CDH23: variants seen among roughly 807,000 people sequenced by gnomAD.
The protein encoded by CDH23 is cadherin-23.
A neutral mutation model predicts 317.1 loss-of-function variants in CDH23; 189 were observed. That is an observed-to-expected ratio of 0.60 (90% CI 0.53 to 0.67). The LOEUF (loss-of-function observed/expected upper bound fraction) is 0.67. CDH23 is among the 30% of genes least tolerant of loss of function. The pLI is 0.00. For synonymous variants in CDH23, 1,839 were observed against 1,876.8 expected (o/e 0.98, Z 0.52); for missense variants, 4,401 against 4,592.4 (o/e 0.96, Z 1.20).
At chr10:71,733,767 C>G (rs929743590) in intron 32 of CDH23, among the ~76,000 whole-genome samples, 2 of 152,236 alleles carry the variant, frequency 1.3e-5, no homozygotes, top group South Asian at 4.1e-4. Flanking sequence ...CTTACTCCTT[C>G]GTCTTTGCTT....
Position 71,799,430 on chromosome 10 carries a change from G to C in CDH23, c.7225-62G>C. 1.9e-6 allele frequency: 3 copies of C among 1,611,652 alleles called. 1 individual carries two copies. In the South Asian group the frequency reaches 3.3e-5, roughly 18 times the overall value. ...GATGCCTGCATCAGTGAGTTCTAGG[G>C]CTGTGCTCGGGCTCTGGGACTGACC... On this transcript the variant is annotated intron_variant, in intron 51 of 69. Coordinates refer to ENST00000224721, the MANE Select transcript of CDH23 (RefSeq NM_022124.6).
chr10:71,477,877 T>A (rs1041605006), intron 3 of CDH23, among the ~76,000 whole-genome samples: 3 of 152,160 alleles, frequency 2.0e-5, no homozygotes, highest in Non-Finnish European at 4.4e-5. Flanking sequence ...TAGGCAGGAC[T>A]GGTAAATCCC....
Position 71,776,726 on chromosome 10 carries a change from A to C in CDH23, c.4846-954A>C, listed in dbSNP as rs553746574. On this transcript the variant is annotated intron_variant, in intron 38 of 69. Coordinates refer to ENST00000224721, the MANE Select transcript of CDH23 (RefSeq NM_022124.6). The stretch of plus-strand genomic sequence containing the variant: ...TATGAAAGGGGGACCCCTGTCCCCA[A>C]GCAGGAGAAACACAGCCATGGGCAG... Among the ~76,000 whole-genome samples the C allele has an allele frequency of 5.3e-5, 8 of 152,346 alleles. 1 individual carries two copies. In the South Asian group the frequency reaches 1.7e-3, roughly 32 times the overall value.
chr10:71,466,186 T>C (rs1175712766), intron 3 of CDH23, among the ~76,000 whole-genome samples: 1 of 152,228 alleles, frequency 6.6e-6, no homozygotes, highest in African/African-American at 2.4e-5. Context: ...CCCGTCTGTG[T>C]GTGTGCATGT....
At chr10:71,569,448 T>TG (rs1421057238) in intron 7 of CDH23, among the ~76,000 whole-genome samples, 1 of 152,198 alleles carries the variant, frequency 6.6e-6, no homozygotes, top group Non-Finnish European at 1.5e-5. Flanking sequence ...GCTCAGAGAA[T>TG]GTTCGAGCCT....
chr10:71,795,768 C>T, intron 48 of CDH23: 1 of 986,478 alleles, frequency 1.0e-6, no homozygotes, highest in Non-Finnish European at 1.2e-6. Context: ...TGCTCTGCTC[C>T]ATCCCTGCTG....
intron 6 of CDH23, among the ~76,000 whole-genome samples, chr10:71,534,877 C>G (rs3998556): frequency 0.73 from 110,579 of 152,156 alleles, 40,891 homozygotes; most frequent in East Asian, 0.88. Flanking sequence ...AAACTCCAGG[C>G]TCCTGGAGGC....
intron 3 of CDH23, among the ~76,000 whole-genome samples, chr10:71,469,136 T>A (rs539254734): frequency 6.6e-6 from 1 of 152,322 alleles, no homozygotes; most frequent in Admixed American, 6.5e-5. Context: ...TATTCTATAG[T>A]GTTATTGAAG....
At position 71,793,304 on chromosome 10, in the gene CDH23, C is replaced by G; in HGVS notation, c.6376C>G (p.Arg2126Gly). The stretch of plus-strand genomic sequence containing the variant: ...CATTCATCTGGTCACCGGGGTCATC[C>G]GTGTTGGTAATGCCACCATCGACAG... ...FLIHLVTGVI[R>G]VGNATIDREE... Residue 2126 changes from arginine (R) to glycine (G), a missense_variant, in exon 48 of 70, where the codon CGT (arginine) becomes GGT (glycine). Physicochemically the swap from Arg to Gly is moderately radical, Grantham distance 125. Transcript: ENST00000224721. 1 of 1,613,964 alleles carries G rather than the reference C, an allele frequency of 6.2e-7. No individual in the cohort carries two copies. The highest frequency in any genetic ancestry group is 1.3e-5 in the African/African-American group (1 of 75,042).
chr10:71,596,621 T>C (rs1461348473), intron 9 of CDH23, among the ~76,000 whole-genome samples: 1 of 152,008 alleles, frequency 6.6e-6, no homozygotes, highest in Non-Finnish European at 1.5e-5. Flanking sequence ...CCAGGACCCC[T>C]CTCCCTCCAG....
rs549996639 is a variant in CDH23, at chr10:71,784,182, C to A, written c.5369-105C>A. On this transcript the variant is annotated intron_variant, in intron 41 of 69. Coordinates refer to ENST00000224721, the MANE Select transcript of CDH23 (RefSeq NM_022124.6). ...GAGGACCCGGGCCCCAGCTGTCCCCCACCTGTGACGAGTGAGGCTTGCTAG... is the reference window on the plus strand; with the variant it reads ...GAGGACCCGGGCCCCAGCTGTCCCCAACCTGTGACGAGTGAGGCTTGCTAG... 1.5e-4 allele frequency: 189 copies of A among 1,299,240 alleles called. 1 individual carries two copies. The highest frequency in any genetic ancestry group is 1.2e-3 in the African/African-American group (79 of 67,694). 80.5% of individuals were successfully genotyped at this position (1,299,240 alleles called of 1,614,324 possible).
In CDH23 at chr10:71,770,793, C is replaced by A. The variant is rs192836478; in HGVS notation, c.4846-6887C>A. 5.9e-5 allele frequency among the ~76,000 whole-genome samples: 9 copies of A among 152,272 alleles called. No homozygotes were observed. The East Asian group carries it at 1.2e-3, about 20-fold the overall frequency. ...CCAGGAAGGTCAGACCCCAGCGGAA[C>A]CTTTGCCCTGCTTGGGTGGAAGCAT... On this transcript the variant is annotated intron_variant, in intron 38 of 69. Coordinates refer to ENST00000224721, the MANE Select transcript of CDH23 (RefSeq NM_022124.6).
chr10:71,551,493 T>C (rs1397904844), intron 6 of CDH23, among the ~76,000 whole-genome samples: 1 of 152,132 alleles, frequency 6.6e-6, no homozygotes, highest in Non-Finnish European at 1.5e-5. Context: ...TCCTGATCGG[T>C]TGGTTATCCA....
At chr10:71,680,742 G>A (rs1274444997) in intron 17 of CDH23, among the ~76,000 whole-genome samples, 4 of 68,050 alleles carry the variant, frequency 5.9e-5, no homozygotes, top group Non-Finnish European at 7.9e-5. Context: ...GTGACACTCC[G>A]TCTCAAAAAA....
intron 48 of CDH23, among the ~76,000 whole-genome samples, chr10:71,794,020 A>G (rs1050008811): frequency 2.0e-5 from 3 of 151,306 alleles, no homozygotes; most frequent in Non-Finnish European, 4.4e-5. Context: ...TTTTTTTTTG[A>G]GATGGAATTT....
intron 15 of CDH23, among the ~76,000 whole-genome samples, chr10:71,677,214 C>T (rs1864407976): frequency 6.6e-6 from 1 of 152,162 alleles, no homozygotes; most frequent in Admixed American, 6.5e-5. Context: ...CCTGGGTTTC[C>T]TCCTTGCTTA....
chr10:71,441,964 T>G (rs1849909213), intron 2 of CDH23, among the ~76,000 whole-genome samples: 1 of 152,204 alleles, frequency 6.6e-6, no homozygotes, highest in Non-Finnish European at 1.5e-5. Flanking sequence ...TGCTTTAATT[T>G]CCTTGTCTTT....
At chr10:71,417,130 C>A (rs1199716387) in intron 1 of CDH23, among the ~76,000 whole-genome samples, 1 of 149,658 alleles carries the variant, frequency 6.7e-6, no homozygotes, top group Non-Finnish European at 1.5e-5. Flanking sequence ...GGCTGGAGTG[C>A]AGTGGCACGA....
At chr10:71,574,461 T>C (rs1275643246) in intron 8 of CDH23, among the ~76,000 whole-genome samples, 3 of 151,640 alleles carry the variant, frequency 2.0e-5, no homozygotes, top group Non-Finnish European at 4.4e-5. Context: ...GACTGAGAAA[T>C]AGGATTTGCT....
Sources: gnomAD v4.1 joint callset for allele counts (sites outside exome capture counted in the v4.1 genomes callset) on GRCh38, gnomAD v4.1.1 for gene constraint, MANE v1.5 for transcripts, NCBI Gene and HGNC (gene_info 2026-07-23, HGNC 2026-07-21) for gene names.